CRACDL: variants seen among roughly 807,000 people sequenced by gnomAD.
CRACDL encodes CRACD like, also known as CRACD-like protein.
A neutral mutation model predicts 70.6 loss-of-function variants in CRACDL; 26 were observed. That is an observed-to-expected ratio of 0.37 (90% CI 0.27 to 0.51). CRACDL has a LOEUF of 0.51. Ranked by LOEUF, CRACDL falls within the 20% of genes least tolerant of loss-of-function variation. The pLI, the probability that CRACDL is intolerant of heterozygous loss-of-function variation, is 0.94. For missense variants in CRACDL, 1,283 were observed against 1,376.9 expected (o/e 0.93, Z 1.08); for synonymous variants, 618 against 615.2 (o/e 1.00, Z -0.07).
At chr2:98,825,856 T>C (rs1296740411) in intron 6 of CRACDL, among the ~76,000 whole-genome samples, 2 of 152,244 alleles carry the variant, frequency 1.3e-5, no homozygotes, top group African/African-American at 2.4e-5. Flanking sequence ...ACCTTCCATA[T>C]GCCCAAAGGA....
chr2:98,873,026 G>C (rs961745107), intron 1 of CRACDL, among the ~76,000 whole-genome samples: 2 of 152,308 alleles, frequency 1.3e-5, no homozygotes, highest in Admixed American at 1.3e-4. Flanking sequence ...TAAATAGACT[G>C]GGATTTGGGG....
chr2:98,855,344 C>G (rs139946750), intron 1 of CRACDL, among the ~76,000 whole-genome samples: 2 of 151,250 alleles, frequency 1.3e-5, no homozygotes, highest in Admixed American at 6.6e-5. Flanking sequence ...TCTGAGCTCA[C>G]TAATAGTCCA....
At chr2:98,863,123 CAA>C (rs986959554) in intron 1 of CRACDL, among the ~76,000 whole-genome samples, 2 of 152,012 alleles carry the variant, frequency 1.3e-5, no homozygotes, top group African/African-American at 4.8e-5. Flanking sequence ...TGTTGAAAGC[CAA>C]AGACAGAAAA....
chr2:98,890,447 A>T (rs1707932357), intron 1 of CRACDL, among the ~76,000 whole-genome samples: 1 of 152,224 alleles, frequency 6.6e-6, no homozygotes, highest in Non-Finnish European at 1.5e-5. Flanking sequence ...CTGACTAAAG[A>T]AGGAATAAAA....
At chr2:98,897,076 C>A (rs1303774125) in intron 1 of CRACDL, among the ~76,000 whole-genome samples, 1 of 152,140 alleles carries the variant, frequency 6.6e-6, no homozygotes, top group Non-Finnish European at 1.5e-5. Context: ...GTCCCATCAC[C>A]ACCCCACCCC....
intron 8 of CRACDL, among the ~76,000 whole-genome samples, chr2:98,796,513 G>A (rs1257552460): frequency 6.6e-6 from 1 of 152,222 alleles, no homozygotes; most frequent in East Asian, 1.9e-4. Flanking sequence ...CCTGGCCTCA[G>A]TGCCAGATGG....
intron 1 of CRACDL, among the ~76,000 whole-genome samples, chr2:98,879,357 C>G (rs12467189): frequency 6.6e-6 from 1 of 151,924 alleles, no homozygotes; most frequent in African/African-American, 2.4e-5. Context: ...AGTTGATTTT[C>G]TTTGAACTGT....
chr2:98,846,488 G>T (rs1706257567), intron 2 of CRACDL, among the ~76,000 whole-genome samples: 1 of 152,196 alleles, frequency 6.6e-6, no homozygotes, highest in Admixed American at 6.5e-5. Context: ...CAGAAAGGAG[G>T]AAAATGAGCT....
intron 1 of CRACDL, among the ~76,000 whole-genome samples, chr2:98,924,750 C>G (rs777552270): frequency 6.6e-6 from 1 of 152,200 alleles, no homozygotes; most frequent in Non-Finnish European, 1.5e-5. Context: ...GGGGCCCTGT[C>G]CAGCACCTCC....
chr2:98,809,507 G>C (rs1268342622), intron 7 of CRACDL, among the ~76,000 whole-genome samples: 1 of 152,130 alleles, frequency 6.6e-6, no homozygotes, highest in Non-Finnish European at 1.5e-5. Flanking sequence ...CTTCTAAGAA[G>C]TCCCATGGAA....
chr2:98,809,722 G>A (rs1575330651), intron 7 of CRACDL: 3 of 152,090 alleles, frequency 2.0e-5, no homozygotes, highest in Non-Finnish European at 4.4e-5. Flanking sequence ...CTCTGCATTG[G>A]TGCCTTAACC....
intron 7 of CRACDL, among the ~76,000 whole-genome samples, chr2:98,814,166 A>G (rs1383772126): frequency 6.6e-6 from 1 of 151,254 alleles, no homozygotes; most frequent in Non-Finnish European, 1.5e-5. Context: ...ATTTTCATTT[A>G]TGTTTGCTCT....
Position 98,918,539 on chromosome 2 carries a change from C to CAAAAAAAAA in CRACDL, c.-11+17390_-11+17398dup, listed in dbSNP as rs58312556. 6.0e-4 allele frequency among the ~76,000 whole-genome samples: 40 copies of CAAAAAAAAA among 66,342 alleles called. 1 individual carries two copies. The East Asian group carries it at 0.018, about 30-fold the overall frequency. The allele number at this position is 66,342 out of a possible 152,430, so 43.5% of individuals were successfully genotyped here. A position where few individuals can be genotyped will look rare whatever the true frequency, so the allele number is the denominator to read the frequency against. Reference sequence around the variant, plus strand: ...GGCGACAGAGCAAGATGTTGTCTACCAAAAAAAAAAAAAAAAAAAAAAAAA... The same window carrying CAAAAAAAAA: ...GGCGACAGAGCAAGATGTTGTCTACCAAAAAAAAAAAAAAAAAAAAAAAAAAAAAAAAAA... On this transcript the variant is annotated intron_variant, in intron 1 of 9. Coordinates refer to ENST00000397899, the MANE Select transcript of CRACDL (RefSeq NM_207362.3).
rs567378829 is a variant in CRACDL, at chr2:98,871,617, C to T, written c.-10-24807G>A. Among the ~76,000 whole-genome samples, 5 of 152,312 alleles carry T rather than the reference C, an allele frequency of 3.3e-5. No individual in the cohort carries two copies. The South Asian group carries it at 1.0e-3, about 32-fold the overall frequency. On this transcript the variant is annotated intron_variant, in intron 1 of 9. Transcript: ENST00000397899. Reference sequence around the variant, plus strand: ...TCCTTTCTGGGCTGGAATCTGGCAGCATGTATCAAAACCTGCTGCTCTAGT... The same window carrying T: ...TCCTTTCTGGGCTGGAATCTGGCAGTATGTATCAAAACCTGCTGCTCTAGT...
chr2:98,847,726 C>A (rs1017272686), intron 1 of CRACDL, among the ~76,000 whole-genome samples: 1 of 152,140 alleles, frequency 6.6e-6, no homozygotes, highest in African/African-American at 2.4e-5. Context: ...ACTATCACAC[C>A]ATTTATTTAG....
At chr2:98,884,404 C>T (rs1581251) in intron 1 of CRACDL, among the ~76,000 whole-genome samples, 79,404 of 151,990 alleles carry the variant, frequency 0.52, 22,366 homozygotes, top group African/African-American at 0.73. Context: ...TGGAAGCAGG[C>T]AAAATAGAGT....
intron 7 of CRACDL, among the ~76,000 whole-genome samples, chr2:98,800,932 T>C (rs1037174062): frequency 3.9e-5 from 6 of 152,210 alleles, no homozygotes; most frequent in Admixed American, 3.9e-4. Flanking sequence ...TTTCCAGCTG[T>C]ACTGTGTGTG....
chr2:98,817,986 A>G (rs558353321), intron 7 of CRACDL, among the ~76,000 whole-genome samples: 1 of 152,058 alleles, frequency 6.6e-6, no homozygotes, highest in South Asian at 2.1e-4. Context: ...TTTTTTCTAC[A>G]TACTTTCTGT....
chr2:98,800,605 T>C (rs1033908067), intron 7 of CRACDL, among the ~76,000 whole-genome samples: 10 of 152,158 alleles, frequency 6.6e-5, no homozygotes, highest in African/African-American at 1.9e-4. Flanking sequence ...CCCTAGACAC[T>C]ACCTCCTCCA....
Sources: allele counts gnomAD v4.1 joint callset (sites outside exome capture counted in the v4.1 genomes callset), GRCh38; gene constraint gnomAD v4.1.1; transcripts MANE v1.5; gene names NCBI Gene and HGNC (gene_info 2026-07-23, HGNC 2026-07-21).